Variants in LRRIQ1 observed in about 807,000 individuals in gnomAD.
LRRIQ1 encodes leucine-rich repeat- and IQ domain-containing protein 1.
A neutral mutation model predicts 211.9 loss-of-function variants in LRRIQ1; 210 were observed. The observed-to-expected ratio is 0.99, with a 90% confidence interval of 0.89 to 1.11. The LOEUF (loss-of-function observed/expected upper bound fraction) is 1.11, where lower values mean the gene tolerates loss of function less well. Among genes scored for constraint, LRRIQ1 ranks in the 50% most tolerant of loss-of-function variants. The pLI, the probability that LRRIQ1 is intolerant of heterozygous loss-of-function variation, is 0.00. For missense variants in LRRIQ1, 2,136 were observed against 1,939.5 expected, an observed-to-expected ratio of 1.10 and a Z score of -1.90; for synonymous variants, 699 against 650.1, an observed-to-expected ratio of 1.08 and a Z score of -1.14.
intron 24 of LRRIQ1, among the ~76,000 whole-genome samples, chr12:85,192,401 T>C (rs1164267392): frequency 2.2e-5 from 3 of 136,574 alleles, no homozygotes; most frequent in African/African-American, 8.1e-5. Flanking sequence ...AGTGTATATA[T>C]ATTTATATAA....
chr12:85,086,976 G>T (rs1884896883), intron 11 of LRRIQ1, among the ~76,000 whole-genome samples: 1 of 132,578 alleles, frequency 7.5e-6, no homozygotes, highest in Admixed American at 7.3e-5. Flanking sequence ...TAAGTTCTAG[G>T]GTACATGTGC....
intron 19 of LRRIQ1, among the ~76,000 whole-genome samples, chr12:85,140,367 G>A (rs568412031): frequency 2.0e-4 from 30 of 148,148 alleles, no homozygotes; most frequent in South Asian, 8.6e-4. Context: ...GATTTTGTTC[G>A]TAGTGGTCTT....
chr12:85,081,723 C>CTT (rs766961193), intron 11 of LRRIQ1, among the ~76,000 whole-genome samples: 5,202 of 113,378 alleles, frequency 0.046, 638 homozygotes, highest in African/African-American at 0.17. Flanking sequence ...TCTTCTTCTT[C>CTT]TTTTTTTTTT....
At chr12:85,215,123 C>A (rs1306461630) in intron 24 of LRRIQ1, among the ~76,000 whole-genome samples, 6 of 152,176 alleles carry the variant, frequency 3.9e-5, no homozygotes, top group Non-Finnish European at 7.4e-5. Context: ...AACACACAAA[C>A]AAATAAACAA....
intron 1 of LRRIQ1, among the ~76,000 whole-genome samples, chr12:85,250,802 T>G (rs1203945517): frequency 4.9e-5 from 6 of 121,468 alleles, no homozygotes; most frequent in East Asian, 2.2e-4. Flanking sequence ...ATAGATTATA[T>G]ATTATATTAT....
At chr12:85,240,052 C>T (rs1895392902) in intron 26 of LRRIQ1, among the ~76,000 whole-genome samples, 1 of 152,020 alleles carries the variant, frequency 6.6e-6, no homozygotes, top group South Asian at 2.1e-4. Flanking sequence ...ATCCACAAAC[C>T]TGGCATAGGC....
intron 24 of LRRIQ1, among the ~76,000 whole-genome samples, chr12:85,193,124 T>A (rs113634999): frequency 1.2e-4 from 15 of 126,968 alleles, no homozygotes; most frequent in Non-Finnish European, 2.2e-4. Flanking sequence ...TATATAATTA[T>A]ATATATTTTT....
downstream of LRRIQ1, among the ~76,000 whole-genome samples, chr12:85,247,587 G>A (rs538941352): frequency 3.3e-5 from 5 of 151,598 alleles, 1 homozygote; most frequent in South Asian, 1.0e-3. Flanking sequence ...CTGTAAAATG[G>A]GAATAGTAAT....
At chr12:85,244,106 A>G (rs1593019438) in intron 26 of LRRIQ1, among the ~76,000 whole-genome samples, 2 of 151,726 alleles carry the variant, frequency 1.3e-5, no homozygotes, top group East Asian at 1.9e-4. Flanking sequence ...ATTATGTACA[A>G]CACTGTTTTA....
intron 11 of LRRIQ1, among the ~76,000 whole-genome samples, chr12:85,092,842 A>G (rs191038319): frequency 9.8e-5 from 15 of 152,320 alleles, no homozygotes; most frequent in African/African-American, 3.6e-4. Context: ...CGCTAAAGCA[A>G]AGAAGTCCTT....
At chr12:85,216,491 A>G (rs1170661253) in intron 24 of LRRIQ1, among the ~76,000 whole-genome samples, 1 of 150,320 alleles carries the variant, frequency 6.7e-6, no homozygotes, top group African/African-American at 2.4e-5. Context: ...TTTACATATA[A>G]TTTAATATAT....
chr12:85,179,453 A>T (rs887426460), intron 24 of LRRIQ1, among the ~76,000 whole-genome samples: 3 of 152,020 alleles, frequency 2.0e-5, no homozygotes, highest in African/African-American at 7.2e-5. Flanking sequence ...TGCAAAGGAT[A>T]CTATTACAAT....
chr12:85,091,626 T>C (rs1343979781), intron 11 of LRRIQ1, among the ~76,000 whole-genome samples: 7 of 152,136 alleles, frequency 4.6e-5, no homozygotes, highest in Non-Finnish European at 8.8e-5. Flanking sequence ...TGGATTTTTA[T>C]AGTTTTAGAT....
intron 24 of LRRIQ1, among the ~76,000 whole-genome samples, chr12:85,175,789 T>C (rs543020838): frequency 1.1e-4 from 16 of 152,238 alleles, no homozygotes; most frequent in African/African-American, 2.9e-4. Context: ...TTGTTTTTGT[T>C]AGGTTTGTCA....
chr12:85,118,559 T>C (rs1887745847), intron 15 of LRRIQ1, among the ~76,000 whole-genome samples: 1 of 151,744 alleles, frequency 6.6e-6, no homozygotes, highest in Non-Finnish European at 1.5e-5. Context: ...TTGTAATTAT[T>C]TTTTAATTTA....
chr12:85,184,266 T>C (rs1892127112), intron 24 of LRRIQ1, among the ~76,000 whole-genome samples: 1 of 152,052 alleles, frequency 6.6e-6, no homozygotes, highest in South Asian at 2.1e-4. Flanking sequence ...AAATCATTGA[T>C]TTTATCACCA....
At chr12:85,266,785 G>C (rs1358624301), downstream of LRRIQ1, among the ~76,000 whole-genome samples, 1 of 152,172 alleles carries the variant, frequency 6.6e-6, no homozygotes, top group Non-Finnish European at 1.5e-5. Flanking sequence ...CTTGCTAGTA[G>C]TCTTTGCTGT....
chr12:85,116,194 G>T (rs1887561468), intron 15 of LRRIQ1, among the ~76,000 whole-genome samples: 1 of 152,198 alleles, frequency 6.6e-6, no homozygotes, highest in African/African-American at 2.4e-5. Context: ...CCAGGCTGGA[G>T]TGCAGTGGCG....
intron 15 of LRRIQ1, among the ~76,000 whole-genome samples, chr12:85,118,173 G>A (rs1046240786): frequency 6.6e-6 from 1 of 152,086 alleles, no homozygotes; most frequent in Admixed American, 6.5e-5. Flanking sequence ...CCAGAAACAC[G>A]ATGTATGTTA....
Sources: allele counts gnomAD v4.1 joint callset (sites outside exome capture counted in the v4.1 genomes callset), GRCh38; gene constraint gnomAD v4.1.1; transcripts MANE v1.5; gene names NCBI Gene and HGNC (gene_info 2026-07-23, HGNC 2026-07-21).